NTPCR: variants seen among roughly 807,000 people sequenced by gnomAD.
The protein encoded by NTPCR is cancer-related nucleoside-triphosphatase.
A neutral mutation model predicts 19.5 loss-of-function variants in NTPCR; 15 were observed. The ratio of observed to expected loss-of-function variants is 0.77; its 90% confidence interval spans 0.51 to 1.18. The LOEUF (loss-of-function observed/expected upper bound fraction) is 1.18. Among genes scored for constraint, NTPCR ranks in the 50% most tolerant of loss-of-function variants. NTPCR has a pLI of 0.00. For missense variants in NTPCR, 206 were observed against 240.4 expected, an observed-to-expected ratio of 0.86 and a Z score of 0.95; for synonymous variants, 90 against 95.8, an observed-to-expected ratio of 0.94 and a Z score of 0.36.
At chr1:232,959,211 C>T (rs1228025985) in intron 3 of NTPCR, among the ~76,000 whole-genome samples, 3 of 151,990 alleles carry the variant, frequency 2.0e-5, no homozygotes, top group South Asian at 4.2e-4. Context: ...GCTGTTCTCC[C>T]GATAGTGAGG....
At chr1:232,956,024 A>G (rs1668502916) in intron 2 of NTPCR, among the ~76,000 whole-genome samples, 1 of 152,238 alleles carries the variant, frequency 6.6e-6, no homozygotes, top group Non-Finnish European at 1.5e-5. Context: ...TCACCAAGTC[A>G]TAAACTCCTC....
At chr1:232,966,255 C>T (rs943786051) in intron 3 of NTPCR, 5 of 152,204 alleles carry the variant, frequency 3.3e-5, no homozygotes, top group African/African-American at 9.7e-5. Flanking sequence ...TGCTGCCTAA[C>T]TTCTGAGAGA....
Position 232,950,714 on chromosome 1 carries a change from G to T in NTPCR, c.4G>T (p.Ala2Ser). M[A>S]RHVFLTGPPG... ...ACCCCTACCCCCGCCCACCAGTATGGCCCGGCACGTGTTCCTAACGGGGCC... is the reference window on the plus strand; with the variant it reads ...ACCCCTACCCCCGCCCACCAGTATGTCCCGGCACGTGTTCCTAACGGGGCC... Residue 2 changes from alanine (A) to serine (S), a missense_variant, in exon 1 of 5, where the codon GCC becomes TCC. Physicochemically the swap from Ala to Ser is moderately conservative, Grantham distance 99. Transcript: ENST00000366628. The T allele has an allele frequency of 1.2e-6, 2 of 1,605,150 alleles. No individual in the cohort carries two copies. The highest frequency in any genetic ancestry group is 1.7e-6 in the Non-Finnish European group (2 of 1,175,134).
In NTPCR at chr1:232,978,171, G is replaced by C. The variant is rs1669195797; in HGVS notation, c.513G>C (p.Lys171Asn). The change falls in exon 5 of 5, where the codon AAG (lysine) becomes AAC (asparagine). Residue 171 changes from lysine (K) to asparagine (N), a missense_variant. Physicochemically the swap from Lys to Asn is moderately conservative, Grantham distance 94. Transcript: ENST00000366628. ...CTCACTTCTTCCCACAGGTCACCAA[G>C]GAAAACAGAAACCACCTTCTGCCAG... ...RKDVKVFNVT[K>N]ENRNHLLPDI... The C allele has an allele frequency of 1.2e-6, 2 of 1,614,048 alleles. No homozygotes were observed. Among genetic ancestry groups the C allele is most frequent in the Non-Finnish European group, 1.7e-6 (2 of 1,179,916 alleles).
chr1:232,953,085 C>G (rs947328525), intron 1 of NTPCR, among the ~76,000 whole-genome samples: 1 of 152,194 alleles, frequency 6.6e-6, no homozygotes, highest in African/African-American at 2.4e-5. Flanking sequence ...TTAGGATTCC[C>G]CAGGGGGTTG....
intron 3 of NTPCR, among the ~76,000 whole-genome samples, chr1:232,959,810 T>TTGTA (rs1451618296): frequency 6.6e-6 from 1 of 151,870 alleles, no homozygotes; most frequent in East Asian, 1.9e-4. Context: ...AGTTTGAGGG[T>TTGTA]TGTATGTATG....
chr1:232,962,876 G>A lies in NTPCR; in HGVS notation c.294+6433G>A, dbSNP rs1453061615. 2.0e-5 allele frequency: 3 copies of A among 152,314 alleles called. No individual in the cohort carries two copies. In the East Asian group the frequency reaches 5.8e-4, roughly 29 times the overall value. The allele number at this position is 152,314 out of a possible 1,614,324, so 9.4% of individuals were successfully genotyped here. ...TTAGAAACTTCCTTTGAAGGTGAGA[G>A]GACTCCTGTCTAGGGAAAAGTATTT... On this transcript the variant is annotated intron_variant, in intron 3 of 4. Coordinates refer to ENST00000366628, the MANE Select transcript of NTPCR (RefSeq NM_032324.3).
In NTPCR at chr1:232,978,169, A is replaced by G. The variant is rs148012245; in HGVS notation, c.511A>G (p.Lys171Glu). ...RKDVKVFNVT[K>E]ENRNHLLPDI... is the part of the protein sequence containing the mutation. ...CTCTCACTTCTTCCCACAGGTCACC[A>G]AGGAAAACAGAAACCACCTTCTGCC... is the stretch of plus-strand genomic sequence containing the variant. Residue 171 changes from lysine (K) to glutamate (E), a missense_variant, in exon 5 of 5, where the codon AAG becomes GAG. By Grantham distance (56) the Lys-to-Glu change is moderately conservative (BLOSUM62 1). Transcript: ENST00000366628. The G allele has an allele frequency of 1.5e-5, 24 of 1,613,938 alleles. No individual in the cohort carries two copies. The African/African-American group carries it at 3.2e-4, about 22-fold the overall frequency.
chr1:232,969,724 C>G (rs900336275), intron 3 of NTPCR, 185 bp from the exon 4 acceptor site: 13 of 533,122 alleles, frequency 2.4e-5, no homozygotes, highest in African/African-American at 1.9e-4. Context: ...TCCTGGGACT[C>G]ACCCTTGTGC....
In NTPCR at chr1:232,969,922, GT is replaced by G. The variant is rs759427760; in HGVS notation, c.309del (p.Ser103ArgfsTer37). The G allele has an allele frequency of 6.2e-7, 1 of 1,613,960 alleles. No homozygotes were observed. The highest frequency in any genetic ancestry group is 1.3e-5 in the African/African-American group (1 of 74,936). ...LPVLRNADCS[S>X]GPGQRVCVID... is the part of the protein sequence containing the mutation. ...TGTCATTCTCAGGCCGACTGCAGCA[GT>G]GGCCCAGGGCAAAGAGTGTGCGTCA... is the stretch of plus-strand genomic sequence containing the variant. On this transcript the variant is annotated frameshift_variant, in exon 4 of 5. Coordinates refer to ENST00000366628, the MANE Select transcript of NTPCR (RefSeq NM_032324.3). LOFTEE classifies it high-confidence loss of function.
At chr1:232,969,842 G>C (rs1482066486) in intron 3 of NTPCR, 67 bp from the exon 4 acceptor site, 1 of 1,298,798 alleles carries the variant, frequency 7.7e-7, no homozygotes, top group Non-Finnish European at 1.1e-6. Flanking sequence ...TGATTGGGGA[G>C]TGGGACCCAT....
intron 1 of NTPCR, among the ~76,000 whole-genome samples, chr1:232,955,183 A>G (rs1294150744): frequency 6.6e-6 from 1 of 152,202 alleles, no homozygotes; most frequent in Non-Finnish European, 1.5e-5. Flanking sequence ...GACCAGTGTT[A>G]CTTCCTGGGC....
At chr1:232,961,735 A>G (rs950177248) in intron 3 of NTPCR, among the ~76,000 whole-genome samples, 1 of 152,060 alleles carries the variant, frequency 6.6e-6, no homozygotes, top group East Asian at 1.9e-4. Context: ...TTAAACATTT[A>G]TGTTTTCAAT....
intron 3 of NTPCR, among the ~76,000 whole-genome samples, chr1:232,957,172 A>G (rs559573626): frequency 2.6e-5 from 4 of 152,262 alleles, no homozygotes; most frequent in East Asian, 1.9e-4. Context: ...TTCTTGGGAT[A>G]TTGTTGTTTA....
intron 1 of NTPCR, among the ~76,000 whole-genome samples, chr1:232,952,859 C>T (rs1051053242): frequency 3.9e-5 from 6 of 152,026 alleles, no homozygotes; most frequent in Admixed American, 2.0e-4. Context: ...GCATTTTTTC[C>T]GATTTCCAAC....
intron 1 of NTPCR, chr1:232,951,079 C>G (rs1668352505): frequency 7.0e-6 from 2 of 287,184 alleles, no homozygotes; most frequent in Non-Finnish European, 1.3e-5. Flanking sequence ...TTCAAGAGAT[C>G]TGCGGCAACC....
intron 3 of NTPCR, chr1:232,965,516 A>G (rs938151069): frequency 6.6e-6 from 1 of 152,284 alleles, no homozygotes; most frequent in African/African-American, 2.4e-5. Context: ...TCAGCAGAGC[A>G]ATAGCAGTGA....
chr1:232,953,329 C>T (rs1462842273), intron 1 of NTPCR, among the ~76,000 whole-genome samples: 1 of 152,128 alleles, frequency 6.6e-6, no homozygotes, highest in Non-Finnish European at 1.5e-5. Context: ...CTCGAGGTCT[C>T]CTGAAGCAGA....
intron 4 of NTPCR, among the ~76,000 whole-genome samples, chr1:232,970,641 G>T (rs1668949400): frequency 6.6e-6 from 1 of 152,164 alleles, no homozygotes; most frequent in African/African-American, 2.4e-5. Context: ...TCTCTGCATT[G>T]CTCAGAACAG....
Sources: allele counts gnomAD v4.1 joint callset (sites outside exome capture counted in the v4.1 genomes callset), GRCh38; gene constraint gnomAD v4.1.1; transcripts MANE v1.5; gene names NCBI Gene and HGNC (gene_info 2026-07-23, HGNC 2026-07-21).